Variants in ATAD2 observed in about 807,000 individuals in gnomAD.
The protein encoded by ATAD2 is ATPase family AAA domain containing 2.
Under a neutral mutation model 168.9 loss-of-function variants are expected in ATAD2, and 62 were observed. The observed-to-expected ratio is 0.37, with a 90% CI of 0.30 to 0.45. The LOEUF is 0.45. Ranked by LOEUF, ATAD2 falls within the 20% of genes least tolerant of loss-of-function variation. The pLI is 1.00. For missense variants in ATAD2, 1,419 were observed against 1,667.8 expected (o/e 0.85, Z 2.60); for synonymous variants, 613 against 571.6 (o/e 1.07, Z -1.03).
At chr8:123,411,474 G>A (rs991247513) in intron 1 of ATAD2, among the ~76,000 whole-genome samples, 6 of 152,146 alleles carry the variant, frequency 3.9e-5, no homozygotes, top group Admixed American at 1.3e-4. Context: ...TTCCTAGGCC[G>A]ACTAAGAATC....
rs574484848 is a variant in ATAD2, at chr8:123,344,993, C to T, written c.2609G>A (p.Gly870Glu). The T allele has an allele frequency of 5.6e-6, 9 of 1,613,966 alleles. No homozygotes were observed. In the African/African-American group the frequency reaches 1.2e-4, roughly 22 times the overall value. ...PHIHVWWEIV[G>E]PTLKATFTTL... Reference sequence around the variant, plus strand: ...GGTAAATGTGGCTTTAAGTGTCGGTCCAACTATTTCCCACCACACGTGGAT... The same window carrying T: ...GGTAAATGTGGCTTTAAGTGTCGGTTCAACTATTTCCCACCACACGTGGAT... The change falls in exon 19 of 28, where the codon GGA (glycine) becomes GAA (glutamate). Residue 870 changes from glycine (G) to glutamate (E), a missense_variant. Physicochemically the swap from Gly to Glu is moderately conservative, Grantham distance 98. Around this residue, in one of 5 missense-constraint regions of ATAD2, gnomAD observed 545 missense variants for 724.9 expected, o/e 0.75. Coordinates refer to ENST00000287394, the MANE Select transcript of ATAD2 (RefSeq NM_014109.4).
Position 123,396,346 on chromosome 8 carries a change from G to C in ATAD2, c.12C>G (p.Leu4=), listed in dbSNP as rs754868816. The C allele has an allele frequency of 1.1e-5, 18 of 1,596,264 alleles. No individual in the cohort carries two copies. The African/African-American group carries it at 2.2e-4, about 19-fold the overall frequency. The change falls in exon 1 of 28, where the codon CTC becomes CTG. Residue 4 remains leucine, a synonymous_variant. Transcript: ENST00000287394. ...GGTTGTGCAGCTCCAAGCTGCTGCG[G>C]AGAACCACCATCTTCTCTCCCTACT... The part of the protein sequence containing the change: MVV[L]RSSLELHNHS...
chr8:123,410,599 T>A (rs751145373), intron 1 of ATAD2, among the ~76,000 whole-genome samples: 4 of 152,198 alleles, frequency 2.6e-5, no homozygotes, highest in Non-Finnish European at 5.9e-5. Flanking sequence ...ATGTTTTTTA[T>A]GATCTATTTT....
chr8:123,332,503 A>C (rs1349796919), intron 24 of ATAD2, among the ~76,000 whole-genome samples: 2 of 152,234 alleles, frequency 1.3e-5, no homozygotes, highest in African/African-American at 4.8e-5. Context: ...TACATATATA[A>C]AAATTTTAAA....
intron 1 of ATAD2, 148 bp from the exon 2 acceptor site, chr8:123,380,825 G>T: frequency 1.4e-6 from 1 of 706,414 alleles, no homozygotes. Context: ...CTACAAGTTA[G>T]TATCTAGAAA....
At chr8:123,397,138 C>T (rs150511350), upstream of ATAD2, among the ~76,000 whole-genome samples, 3 of 150,508 alleles carry the variant, frequency 2.0e-5, no homozygotes, top group Non-Finnish European at 3.0e-5. Context: ...TTTCCTCACA[C>T]GCTGAGGCAG....
At chr8:123,334,972 A>G (rs964104595) in intron 22 of ATAD2, among the ~76,000 whole-genome samples, 8 of 152,196 alleles carry the variant, frequency 5.3e-5, no homozygotes, top group South Asian at 2.1e-4. Context: ...GGCCTGAAGA[A>G]AGTCAGGGCA....
At chr8:123,359,553 T>C in intron 10 of ATAD2, 24 bp downstream of exon 10, 1 of 1,554,532 alleles carries the variant, frequency 6.4e-7, no homozygotes, top group Non-Finnish European at 8.8e-7. Flanking sequence ...AGTTCAAGCA[T>C]ATGTTTCAAA....
chr8:123,336,640 A>G, intron 21 of ATAD2, 108 bp from the exon 22 acceptor site: 1 of 813,938 alleles, frequency 1.2e-6, no homozygotes, highest in Non-Finnish European at 1.8e-6. Context: ...TACGTAAGAG[A>G]TTATGATAAT....
intron 1 of ATAD2, among the ~76,000 whole-genome samples, chr8:123,388,026 C>CATGAGTTTAAAGTTTTGT (rs1829695242): frequency 6.6e-6 from 1 of 152,094 alleles, no homozygotes; most frequent in African/African-American, 2.4e-5. Context: ...TGATATCCTT[C>CATGAGTTTAAAGTTTTGT]CTTAGTTTTG....
At chr8:123,408,164 G>T (rs1322705239) in intron 1 of ATAD2, among the ~76,000 whole-genome samples, 1 of 152,170 alleles carries the variant, frequency 6.6e-6, no homozygotes, top group East Asian at 1.9e-4. Flanking sequence ...TGGAGGTGGG[G>T]AGACATTTTG....
chr8:123,351,892 C>A lies in ATAD2; in HGVS notation c.1647-2448G>T, dbSNP rs567130858. Among the ~76,000 whole-genome samples, 8 of 152,148 alleles carry A rather than the reference C, an allele frequency of 5.3e-5. No homozygotes were observed. The East Asian group carries it at 9.7e-4, about 18-fold the overall frequency. Reference sequence around the variant, plus strand: ...CCTCCCGAGTAGCTGGGACTACAGGCACCTGCCACCATGCCTGGCTAATAT... The same window carrying A: ...CCTCCCGAGTAGCTGGGACTACAGGAACCTGCCACCATGCCTGGCTAATAT... On this transcript the variant is annotated intron_variant, in intron 13 of 27. Transcript: ENST00000287394.
At chr8:123,322,912 TAA>T (rs778699780) in intron 27 of ATAD2, 24 bp downstream of exon 27, 11 of 1,606,060 alleles carry the variant, frequency 6.8e-6, no homozygotes, top group Admixed American at 6.8e-5. Context: ...AGAGCATTTG[TAA>T]AAAGTTTCCA....
chr8:123,345,556 C>A (rs1828211361), intron 18 of ATAD2, among the ~76,000 whole-genome samples: 1 of 151,030 alleles, frequency 6.6e-6, no homozygotes, highest in African/African-American at 2.4e-5. Flanking sequence ...ATGCATTGCA[C>A]CTGTAGTCCC....
At chr8:123,326,066 A>G in intron 25 of ATAD2, 40 bp from the exon 26 acceptor site, 1 of 1,593,288 alleles carries the variant, frequency 6.3e-7, no homozygotes, top group Non-Finnish European at 8.6e-7. Context: ...TGGTCCATAG[A>G]TATTATGATG....
At chr8:123,348,150 GTATT>G in intron 15 of ATAD2, 29 bp downstream of exon 15, 4 of 1,412,104 alleles carry the variant, frequency 2.8e-6, no homozygotes, top group Non-Finnish European at 3.9e-6. Context: ...AATAAATGTA[GTATT>G]TATTTTAACT....
At chr8:123,383,414 C>T (rs2129874869) in intron 1 of ATAD2, among the ~76,000 whole-genome samples, 1 of 151,970 alleles carries the variant, frequency 6.6e-6, no homozygotes, top group African/African-American at 2.4e-5. Context: ...TTCACTATTG[C>T]AGACACTTCA....
intron 8 of ATAD2, among the ~76,000 whole-genome samples, chr8:123,367,365 C>T (rs544043934): frequency 2.0e-5 from 3 of 152,238 alleles, no homozygotes; most frequent in Non-Finnish European, 2.9e-5. Flanking sequence ...TGCAGTGAGC[C>T]GAGATCGCGC....
intron 8 of ATAD2, among the ~76,000 whole-genome samples, chr8:123,367,790 T>A (rs534712335): frequency 6.6e-6 from 1 of 152,304 alleles, no homozygotes; most frequent in South Asian, 2.1e-4. Flanking sequence ...GATGTACACT[T>A]GTGATTCCTA....
Sources: gnomAD v4.1 joint callset for allele counts (sites outside exome capture counted in the v4.1 genomes callset) on GRCh38, gnomAD v4.1.1 for gene constraint, gnomAD v4.1.1 regional missense constraint, MANE v1.5 for transcripts, NCBI Gene and HGNC (gene_info 2026-07-23, HGNC 2026-07-21) for gene names.